The following CAMK2D variants were observed in gnomAD, a reference collection of about 807,000 sequenced individuals.
CAMK2D encodes the protein calcium/calmodulin dependent protein kinase II delta.
Under a neutral mutation model 84.0 loss-of-function variants are expected in CAMK2D, and 37 were observed. The ratio of observed to expected loss-of-function variants is 0.44; its 90% CI spans 0.34 to 0.58. The LOEUF (loss-of-function observed/expected upper bound fraction) is 0.58. Among genes scored for constraint, CAMK2D ranks in the 20% least tolerant of loss-of-function variants. CAMK2D has a pLI of 0.02. For missense variants in CAMK2D, 448 were observed against 652.5 expected (o/e 0.69, Z 3.41); for synonymous variants, 202 against 212.5 (o/e 0.95, Z 0.43).
intron 2 of CAMK2D, among the ~76,000 whole-genome samples, chr4:113,746,747 C>T (rs2099604986): frequency 6.6e-6 from 1 of 151,762 alleles, no homozygotes; most frequent in Non-Finnish European, 1.5e-5. Flanking sequence ...TATTTTTCTT[C>T]TCTAATTCTA....
At chr4:113,746,596 T>G (rs1199781290) in intron 2 of CAMK2D, among the ~76,000 whole-genome samples, 2 of 152,102 alleles carry the variant, frequency 1.3e-5, no homozygotes, top group African/African-American at 4.8e-5. Flanking sequence ...TTGTTTTCCC[T>G]TTTCCTGATC....
At chr4:113,617,587 GA>G (rs2099026492) in intron 3 of CAMK2D, among the ~76,000 whole-genome samples, 1 of 152,132 alleles carries the variant, frequency 6.6e-6, no homozygotes, top group Non-Finnish European at 1.5e-5. Flanking sequence ...CAATATATGG[GA>G]AAAGCAAAGG....
At position 113,456,164 on chromosome 4, in the gene CAMK2D, G is replaced by A. The variant is rs143918383; in HGVS notation, c.1536-343C>T. 3.0e-3 allele frequency among the ~76,000 whole-genome samples: 453 copies of A among 152,196 alleles called. 4 individuals are homozygous for A. Among genetic ancestry groups the A allele is most frequent in the African/African-American group, 0.011 (442 of 41,522 alleles). On this transcript the variant is annotated intron_variant, in intron 19 of 20. Coordinates refer to ENST00000511664, the MANE Select transcript of CAMK2D (RefSeq NM_001321571.2). ...TCTAACAGTGATATATAATTATTAA[G>A]GCTATACAGAAGGCCTCTGAAAACC... is the stretch of plus-strand genomic sequence containing the variant.
At chr4:113,622,807 C>T (rs2099051706) in intron 3 of CAMK2D, among the ~76,000 whole-genome samples, 1 of 152,094 alleles carries the variant, frequency 6.6e-6, no homozygotes, top group South Asian at 2.1e-4. Flanking sequence ...CTGCAAATGG[C>T]CAAAAGAACA....
At chr4:113,606,164 AC>A (rs2098975972) in intron 4 of CAMK2D, among the ~76,000 whole-genome samples, 2 of 152,080 alleles carry the variant, frequency 1.3e-5, no homozygotes, top group South Asian at 4.2e-4. Flanking sequence ...GAAAAATATA[AC>A]TGACATAAAA....
chr4:113,509,143 T>C (rs1270202886), intron 13 of CAMK2D, among the ~76,000 whole-genome samples: 2 of 152,216 alleles, frequency 1.3e-5, no homozygotes, highest in Non-Finnish European at 2.9e-5. Context: ...CAACACCTTA[T>C]GACAGAAACA....
chr4:113,757,108 A>C (rs1482975562), intron 2 of CAMK2D, among the ~76,000 whole-genome samples: 2 of 152,190 alleles, frequency 1.3e-5, no homozygotes, highest in Non-Finnish European at 1.5e-5. Context: ...CCTGATATCC[A>C]GAAAAGGAAA....
At chr4:113,696,404 C>T (rs1301219512) in intron 2 of CAMK2D, among the ~76,000 whole-genome samples, 1 of 152,030 alleles carries the variant, frequency 6.6e-6, no homozygotes, top group Admixed American at 6.6e-5. Flanking sequence ...GTGTCTAACA[C>T]ATATAACAAT....
Position 113,761,529 on chromosome 4 carries a change from G to A in CAMK2D, c.-461C>T, listed in dbSNP as rs939010456. 4.0e-6 allele frequency: 4 copies of A among 1,005,334 alleles called. No individual in the cohort carries two copies. The highest frequency in any genetic ancestry group is 1.0e-4 in the East Asian group (1 of 9,572). The allele number at this position is 1,005,334 out of a possible 1,614,324, so 62.3% of individuals were successfully genotyped here. ...GGCGGAGGTGGAGTGCAGCGGGGCC[G>A]AGGCCGCGGAGCCCAGAGCGGACAG... is the stretch of plus-strand genomic sequence containing the variant. On this transcript the variant is annotated 5_prime_UTR_variant, in exon 1 of 21. Transcript: ENST00000511664.
intron 4 of CAMK2D, among the ~76,000 whole-genome samples, chr4:113,606,760 T>C (rs912548280): frequency 3.3e-5 from 5 of 152,022 alleles, no homozygotes; most frequent in African/African-American, 9.7e-5. Context: ...CAAACAAAGA[T>C]GGACCCATTC....
chr4:113,754,510 G>A (rs774921395), intron 2 of CAMK2D: 59 of 935,144 alleles, frequency 6.3e-5, no homozygotes, highest in Non-Finnish European at 6.8e-5. Context: ...ACATTTCAAT[G>A]GAAATGAGAA....
chr4:113,722,997 G>A (rs951358797), intron 2 of CAMK2D, among the ~76,000 whole-genome samples: 2 of 151,976 alleles, frequency 1.3e-5, no homozygotes, highest in Admixed American at 6.6e-5. Context: ...TTTCTCTAAC[G>A]ACTTTGTAAT....
intron 7 of CAMK2D, among the ~76,000 whole-genome samples, chr4:113,536,401 A>G (rs1590879606): frequency 1.3e-5 from 2 of 152,218 alleles, no homozygotes; most frequent in African/African-American, 4.8e-5. Context: ...CCATATGTAC[A>G]TCTTGGGAGA....
At chr4:113,744,903 C>G (rs759494836) in intron 2 of CAMK2D, among the ~76,000 whole-genome samples, 4 of 152,122 alleles carry the variant, frequency 2.6e-5, no homozygotes, top group African/African-American at 7.2e-5. Context: ...TTGTGTATAC[C>G]TCAAATACAT....
chr4:113,712,707 T>C (rs986824543), intron 2 of CAMK2D, among the ~76,000 whole-genome samples: 1 of 151,944 alleles, frequency 6.6e-6, no homozygotes, highest in African/African-American at 2.4e-5. Context: ...GTAAAAAATA[T>C]ATAACAAAAA....
intron 2 of CAMK2D, among the ~76,000 whole-genome samples, chr4:113,679,149 A>C (rs533337430): frequency 6.6e-6 from 1 of 152,288 alleles, no homozygotes; most frequent in South Asian, 2.1e-4. Context: ...AACATTGTTA[A>C]GAGCTGCAAA....
At chr4:113,716,805 G>A (rs895061244) in intron 2 of CAMK2D, among the ~76,000 whole-genome samples, 2 of 152,144 alleles carry the variant, frequency 1.3e-5, no homozygotes, top group African/African-American at 4.8e-5. Context: ...ACATGGTAAT[G>A]AGCAGAATGT....
intron 17 of CAMK2D, among the ~76,000 whole-genome samples, chr4:113,460,878 G>A (rs990561815): frequency 3.0e-4 from 46 of 152,008 alleles, no homozygotes; most frequent in Non-Finnish European, 3.8e-4. Context: ...TTCTAGTAGA[G>A]ATGGGGTTTC....
At chr4:113,678,292 T>C (rs1303827732) in intron 2 of CAMK2D, among the ~76,000 whole-genome samples, 1 of 152,144 alleles carries the variant, frequency 6.6e-6, no homozygotes, top group African/African-American at 2.4e-5. Flanking sequence ...CCCTGGGCAA[T>C]GGACCTAACC....
Sources: allele counts gnomAD v4.1 joint callset (sites outside exome capture counted in the v4.1 genomes callset), GRCh38; gene constraint gnomAD v4.1.1; transcripts MANE v1.5; gene names NCBI Gene and HGNC (gene_info 2026-07-23, HGNC 2026-07-21).